SENP8: variants seen among roughly 807,000 people sequenced by gnomAD.
The protein encoded by SENP8 is SUMO peptidase family member, NEDD8 specific, also known as sentrin-specific protease 8.
SENP8 carries 10 observed loss-of-function variants against 14.4 expected under a neutral mutation model. That is an observed-to-expected ratio of 0.69 (90% CI 0.43 to 1.18). The LOEUF (loss-of-function observed/expected upper bound fraction) is 1.18, where lower values mean the gene tolerates loss of function less well. Ranked by LOEUF, SENP8 falls within the 50% of genes most tolerant of loss-of-function variation. The probability of loss-of-function intolerance (pLI) is 0.00; values close to 1 mark genes in which losing one functional copy is unlikely to be tolerated. For missense variants in SENP8, 202 were observed against 249.4 expected, an observed-to-expected ratio of 0.81 and a Z score of 1.28; for synonymous variants, 94 against 95.5, an observed-to-expected ratio of 0.98 and a Z score of 0.09.
intron 1 of SENP8, among the ~76,000 whole-genome samples, chr15:72,135,809 G>C (rs2081322500): frequency 6.6e-6 from 1 of 152,248 alleles, no homozygotes. Context: ...TTCAAGGTGA[G>C]AGATGACTGA....
upstream of SENP8, chr15:72,118,094 G>A (rs949989544): frequency 5.6e-5 from 22 of 391,830 alleles, no homozygotes; most frequent in African/African-American, 3.7e-4. Flanking sequence ...CCCCGACCCC[G>A]CGCACGCGGC....
chr15:72,122,247 C>A (rs1459826661), intron 1 of SENP8, among the ~76,000 whole-genome samples: 1 of 147,436 alleles, frequency 6.8e-6, no homozygotes, highest in Non-Finnish European at 1.5e-5. Flanking sequence ...AGCTAGTACC[C>A]AAAGTATGTA....
chr15:72,124,545 G>A (rs1438407097), intron 1 of SENP8, among the ~76,000 whole-genome samples: 1 of 152,192 alleles, frequency 6.6e-6, no homozygotes, highest in East Asian at 1.9e-4. Context: ...GACATTAGAA[G>A]TTGGACATAA....
intron 1 of SENP8, among the ~76,000 whole-genome samples, chr15:72,134,298 A>T (rs2081305956): frequency 6.6e-6 from 1 of 152,178 alleles, no homozygotes; most frequent in Non-Finnish European, 1.5e-5. Context: ...TCTCACTTTA[A>T]GCTGGGCACG....
At chr15:72,122,601 A>T (rs1019718471) in intron 1 of SENP8, among the ~76,000 whole-genome samples, 2 of 152,174 alleles carry the variant, frequency 1.3e-5, no homozygotes, top group African/African-American at 2.4e-5. Context: ...GGCCACCATT[A>T]CCACCTTCTT....
At position 72,141,215 on chromosome 15, in the gene SENP8, C is replaced by T. The variant is rs924465727; in HGVS notation, c.*953C>T. 1.2e-4 allele frequency: 18 copies of T among 152,120 alleles called. No individual in the cohort carries two copies. The highest frequency in any genetic ancestry group is 4.3e-4 in the African/African-American group (18 of 41,414). The allele number at this position is 152,120 out of a possible 1,614,324, so 9.4% of individuals were successfully genotyped here. ...GTTTTTAGTTATGTCATGGTAATTT[C>T]AGGATGATTTTTGTATCTGAAACTT... On this transcript the variant is annotated 3_prime_UTR_variant, in exon 2 of 2. Coordinates refer to ENST00000340912, the MANE Select transcript of SENP8 (RefSeq NM_145204.4).
rs985022322 is a variant in SENP8, at chr15:72,137,293, C to T, written c.-47-2284C>T. On this transcript the variant is annotated intron_variant, in intron 1 of 1. Transcript: ENST00000340912. ...TTTTATATGCCATCTGTAAAAAAGG[C>T]GTATACCTTTTTAGAAAAACAAGGA... Among the ~76,000 whole-genome samples the T allele has an allele frequency of 2.2e-4, 27 of 120,112 alleles. 1 individual carries two copies. Among genetic ancestry groups the T allele is most frequent in the Admixed American group, 1.8e-3 (21 of 11,420 alleles). The allele number at this position is 120,112 out of a possible 152,430, so 78.8% of individuals were successfully genotyped here. A position where few individuals can be genotyped will look rare whatever the true frequency, so the allele number is the denominator to read the frequency against.
chr15:72,134,893 C>A, intron 1 of SENP8: 1 of 281,184 alleles, frequency 3.6e-6, no homozygotes, highest in Admixed American at 3.8e-5. Flanking sequence ...AGATTCTTGC[C>A]AAGAGAATTA....
At chr15:72,115,964 C>T (rs1393837511), upstream of SENP8, among the ~76,000 whole-genome samples, 6 of 152,136 alleles carry the variant, frequency 3.9e-5, no homozygotes, top group Admixed American at 3.9e-4. Flanking sequence ...AAATGAGGCA[C>T]TTCCATATGT....
intron 1 of SENP8, among the ~76,000 whole-genome samples, chr15:72,126,941 TGAA>T (rs2081226613): frequency 6.6e-6 from 1 of 152,224 alleles, no homozygotes; most frequent in African/African-American, 2.4e-5. Context: ...AGAGCAGAAA[TGAA>T]GAATTCTTGC....
At chr15:72,117,858 C>A, upstream of SENP8, 1 of 398,548 alleles carries the variant, frequency 2.5e-6, no homozygotes, top group Non-Finnish European at 4.4e-6. Context: ...CGCGGCGCAT[C>A]CCCCGCCCTG....
At chr15:72,115,140 A>G (rs988138262), upstream of SENP8, among the ~76,000 whole-genome samples, 2 of 152,282 alleles carry the variant, frequency 1.3e-5, no homozygotes, top group African/African-American at 2.4e-5. Context: ...TTAAACTAGA[A>G]TAAGTTTTTT....
chr15:72,132,185 C>G (rs184172223), intron 1 of SENP8, among the ~76,000 whole-genome samples: 8 of 152,278 alleles, frequency 5.3e-5, no homozygotes, highest in Admixed American at 2.6e-4. Flanking sequence ...TAAGATTTTA[C>G]AAATAGAACT....
chr15:72,125,399 A>G (rs1357425548), intron 1 of SENP8, among the ~76,000 whole-genome samples: 1 of 152,010 alleles, frequency 6.6e-6, no homozygotes, highest in African/African-American at 2.4e-5. Context: ...GTGTCTTTTC[A>G]TGTGTTTATT....
upstream of SENP8, chr15:72,118,176 C>G: frequency 2.7e-6 from 1 of 365,734 alleles, no homozygotes; most frequent in Non-Finnish European, 4.9e-6. Context: ...CCCCTACTGC[C>G]AGCACGGGTC....
At chr15:72,117,667 G>C (rs1169857637), upstream of SENP8, 6 of 396,178 alleles carry the variant, frequency 1.5e-5, no homozygotes, top group South Asian at 1.4e-4. Context: ...CTGGGCGCTT[G>C]GGCGGGTCTT....
At position 72,140,216 on chromosome 15, in the gene SENP8, A is replaced by G. The variant is rs2081368197; in HGVS notation, c.593A>G (p.Lys198Arg). The part of the protein sequence containing the change: ...QLLTPAYITK[K>R]RGEWKDLITT... ...CTCACCCCTGCATACATCACAAAGA[A>G]GAGGGGAGAATGGAAAGATCTCATT... is the stretch of plus-strand genomic sequence containing the variant. The change falls in exon 2 of 2, where the codon AAG becomes AGG. Residue 198 changes from lysine to arginine, a missense_variant. Physicochemically the swap from Lys to Arg is conservative, Grantham distance 26. Coordinates refer to ENST00000340912, the MANE Select transcript of SENP8 (RefSeq NM_145204.4). The G allele has an allele frequency of 6.2e-7, 1 of 1,614,012 alleles. No individual in the cohort carries two copies. The highest frequency in any genetic ancestry group is 1.3e-5 in the African/African-American group (1 of 74,940).
intron 1 of SENP8, among the ~76,000 whole-genome samples, chr15:72,130,206 A>C (rs2081260157): frequency 6.6e-6 from 1 of 152,048 alleles, no homozygotes; most frequent in African/African-American, 2.4e-5. Context: ...AAAAAAGAAA[A>C]GTCAATTTAT....
intron 1 of SENP8, among the ~76,000 whole-genome samples, chr15:72,126,045 G>T (rs2081215720): frequency 1.3e-5 from 2 of 151,970 alleles, no homozygotes; most frequent in African/African-American, 4.8e-5. Context: ...CGGGTCTCAA[G>T]CTCCTGACCT....
Sources: gnomAD v4.1 joint callset for allele counts (sites outside exome capture counted in the v4.1 genomes callset) on GRCh38, gnomAD v4.1.1 for gene constraint, MANE v1.5 for transcripts, NCBI Gene and HGNC (gene_info 2026-07-23, HGNC 2026-07-21) for gene names.